CRY1: variants seen among roughly 807,000 people sequenced by gnomAD.
The protein encoded by CRY1 is cryptochrome circadian regulator 1, also known as cryptochrome-1.
In CRY1, 45 loss-of-function variants were observed where a neutral mutation model predicts 76.0. The ratio of observed to expected loss-of-function variants is 0.59; its 90% CI spans 0.47 to 0.76. The LOEUF (loss-of-function observed/expected upper bound fraction) is 0.76, where lower values mean the gene tolerates loss of function less well. Among genes scored for constraint, CRY1 ranks in the 30% least tolerant of loss-of-function variants. CRY1 has a pLI of 0.00. For synonymous variants in CRY1, 248 were observed against 244.0 expected (o/e 1.02, Z -0.15); for missense variants, 587 against 716.4 (o/e 0.82, Z 2.06).
At chr12:107,021,091 C>G (rs1952551790) in intron 2 of CRY1, among the ~76,000 whole-genome samples, 1 of 152,130 alleles carries the variant, frequency 6.6e-6, no homozygotes, top group Admixed American at 6.5e-5. Context: ...CGAGACCAGC[C>G]TGACCAACAT....
At chr12:107,068,853 T>C (rs1276850850) in intron 1 of CRY1, among the ~76,000 whole-genome samples, 1 of 152,234 alleles carries the variant, frequency 6.6e-6, no homozygotes, top group Non-Finnish European at 1.5e-5. Context: ...ATGTGATCTT[T>C]GGTGTCTGGT....
chr12:107,087,645 T>C (rs938189947), intron 1 of CRY1, among the ~76,000 whole-genome samples: 5 of 152,236 alleles, frequency 3.3e-5, no homozygotes, highest in Non-Finnish European at 5.9e-5. Context: ...TACAGGTTCA[T>C]AGCTATAAGG....
intron 8 of CRY1, 101 bp from the exon 9 acceptor site, chr12:106,997,791 T>C (rs1952250269): frequency 6.5e-7 from 1 of 1,532,760 alleles, no homozygotes; most frequent in Non-Finnish European, 8.9e-7. Flanking sequence ...ATTTAAATGA[T>C]CTGTTTACCC....
intron 1 of CRY1, among the ~76,000 whole-genome samples, chr12:107,046,259 C>A (rs1415113308): frequency 6.6e-6 from 1 of 151,362 alleles, no homozygotes; most frequent in African/African-American, 2.4e-5. Context: ...TGTGACTGCA[C>A]TCCAGGCTGG....
At chr12:107,038,696 T>C (rs1371342563) in intron 1 of CRY1, among the ~76,000 whole-genome samples, 1 of 152,196 alleles carries the variant, frequency 6.6e-6, no homozygotes, top group Non-Finnish European at 1.5e-5. Context: ...GGACTTTCCT[T>C]TCATCCACAG....
Position 106,997,468 on chromosome 12 carries a change from A to G in CRY1, c.1492+20T>C, listed in dbSNP as rs1455439096. 6.2e-7 allele frequency: 1 copy of G among 1,613,426 alleles called. No homozygotes were observed. The highest frequency in any genetic ancestry group is 8.5e-7 in the Non-Finnish European group (1 of 1,179,844). On this transcript the variant is annotated intron_variant, in intron 9 of 12. Coordinates refer to ENST00000008527, the MANE Select transcript of CRY1 (RefSeq NM_004075.5). ...GTACATAAACAGCTGCCAAAGAAACAAAGACAGTTCTTAACATACCTAGTC... is the reference window on the plus strand; with the variant it reads ...GTACATAAACAGCTGCCAAAGAAACGAAGACAGTTCTTAACATACCTAGTC...
At chr12:107,026,857 T>C (rs962101521) in intron 1 of CRY1, among the ~76,000 whole-genome samples, 1 of 151,724 alleles carries the variant, frequency 6.6e-6, no homozygotes, top group Admixed American at 6.6e-5. Flanking sequence ...CGTGAATTAG[T>C]TGGATGCCTA....
intron 3 of CRY1, among the ~76,000 whole-genome samples, chr12:107,004,129 A>G (rs1042274466): frequency 6.6e-6 from 1 of 152,054 alleles, no homozygotes; most frequent in Non-Finnish European, 1.5e-5. Flanking sequence ...CATAACACTG[A>G]GTCTCCCACT....
intron 1 of CRY1, among the ~76,000 whole-genome samples, chr12:107,054,834 C>T (rs755944448): frequency 6.6e-6 from 1 of 151,882 alleles, no homozygotes; most frequent in Non-Finnish European, 1.5e-5. Context: ...CTCCACACCT[C>T]GTAATGATAA....
chr12:107,074,446 T>C (rs562165142), intron 1 of CRY1, among the ~76,000 whole-genome samples: 3 of 152,374 alleles, frequency 2.0e-5, no homozygotes, highest in African/African-American at 4.8e-5. Flanking sequence ...AGAAGACAGA[T>C]AGGATAAGAT....
intron 1 of CRY1, among the ~76,000 whole-genome samples, chr12:107,085,140 C>T (rs905749018): frequency 3.3e-5 from 5 of 151,992 alleles, no homozygotes; most frequent in East Asian, 1.9e-4. Context: ...GTTAGAACAG[C>T]GATTATTAAA....
At chr12:107,005,803 G>A (rs777840752) in intron 2 of CRY1, among the ~76,000 whole-genome samples, 3 of 152,016 alleles carry the variant, frequency 2.0e-5, no homozygotes, top group Middle Eastern at 6.8e-3. Flanking sequence ...ACTAAAAAAC[G>A]TTAACTGAAA....
chr12:107,048,461 AT>A (rs1366682438), intron 1 of CRY1, among the ~76,000 whole-genome samples: 1 of 152,034 alleles, frequency 6.6e-6, no homozygotes, highest in Non-Finnish European at 1.5e-5. Context: ...ATATAGAATC[AT>A]TTTCCTTTTG....
At chr12:107,004,510 C>A (rs1952347596) in intron 3 of CRY1, among the ~76,000 whole-genome samples, 1 of 152,072 alleles carries the variant, frequency 6.6e-6, no homozygotes, top group African/African-American at 2.4e-5. Flanking sequence ...ATAACACTCC[C>A]TAAATTTAAG....
chr12:107,006,958 A>C (rs990479093), intron 2 of CRY1, among the ~76,000 whole-genome samples: 12 of 152,044 alleles, frequency 7.9e-5, no homozygotes, highest in African/African-American at 2.9e-4. Flanking sequence ...ATTGTTTTTA[A>C]ATGTCTGCTA....
chr12:107,036,272 A>G (rs976916335), intron 1 of CRY1, among the ~76,000 whole-genome samples: 1 of 152,218 alleles, frequency 6.6e-6, no homozygotes, highest in Non-Finnish European at 1.5e-5. Flanking sequence ...ATTGGTGAAC[A>G]CTACCACATC....
At chr12:107,041,440 G>C (rs1490124084) in intron 1 of CRY1, among the ~76,000 whole-genome samples, 4 of 152,166 alleles carry the variant, frequency 2.6e-5, no homozygotes, top group Non-Finnish European at 5.9e-5. Flanking sequence ...AGCTTAAGTT[G>C]ATCTTTACTT....
intron 7 of CRY1, among the ~76,000 whole-genome samples, chr12:106,998,999 G>A (rs148318957): frequency 6.9e-6 from 1 of 144,528 alleles, no homozygotes; most frequent in Admixed American, 7.2e-5. Context: ...CTGAGATCAC[G>A]TCATTGCACC....
intron 1 of CRY1, among the ~76,000 whole-genome samples, chr12:107,083,419 T>C (rs141584276): frequency 6.6e-6 from 1 of 152,212 alleles, no homozygotes; most frequent in Non-Finnish European, 1.5e-5. Flanking sequence ...ATATCCCCAA[T>C]GAACATCAAT....
Sources: gnomAD v4.1 joint callset for allele counts (sites outside exome capture counted in the v4.1 genomes callset) on GRCh38, gnomAD v4.1.1 for gene constraint, MANE v1.5 for transcripts, NCBI Gene and HGNC (gene_info 2026-07-23, HGNC 2026-07-21) for gene names.